Variants in ZNF76 observed in about 807,000 individuals in gnomAD.
ZNF76 encodes zinc finger protein 76, also known as zinc finger protein 523.
In ZNF76, 66 loss-of-function variants were observed where a neutral mutation model predicts 66.9. The observed-to-expected ratio is 0.99, with a 90% CI of 0.81 to 1.21. The LOEUF (loss-of-function observed/expected upper bound fraction) is 1.21, where lower values mean the gene tolerates loss of function less well. Ranked by LOEUF, ZNF76 falls within the 50% of genes most tolerant of loss-of-function variation. The probability of loss-of-function intolerance (pLI) is 0.00; values close to 1 mark genes in which losing one functional copy is unlikely to be tolerated. For synonymous variants in ZNF76, 275 were observed against 296.1 expected (o/e 0.93, Z 0.73); for missense variants, 729 against 760.3 (o/e 0.96, Z 0.48).
At chr6:35,294,077 A>T in intron 12 of ZNF76, 162 bp downstream of exon 12, 1 of 817,292 alleles carries the variant, frequency 1.2e-6, no homozygotes. Context: ...AGCAGCTCTT[A>T]CCTTTAAAAG....
chr6:35,279,197 G>A (rs1021086008), intron 1 of ZNF76: 3 of 165,108 alleles, frequency 1.8e-5, no homozygotes, highest in African/African-American at 7.2e-5. Flanking sequence ...GAGGGGCACA[G>A]CGTCACACAG....
Position 35,295,480 on chromosome 6 carries a change from C to A in ZNF76, c.*232C>A. 1.9e-6 allele frequency: 1 copy of A among 536,634 alleles called. No homozygotes were observed. The highest frequency in any genetic ancestry group is 1.9e-5 in the South Asian group (1 of 52,128). The allele number at this position is 536,634 out of a possible 1,614,324, so 33.2% of individuals were successfully genotyped here. On this transcript the variant is annotated 3_prime_UTR_variant, in exon 14 of 14. Transcript: ENST00000373953. ...ATCATCCTCGGGAGCTGACAACAGCCAGGCTACACCAGGGCACCCGCCTCT... is the reference window on the plus strand; with the variant it reads ...ATCATCCTCGGGAGCTGACAACAGCAAGGCTACACCAGGGCACCCGCCTCT...
chr6:35,295,730 G>C lies in ZNF76; in HGVS notation c.*482G>C, dbSNP rs1256160565. The C allele has an allele frequency of 2.3e-5, 5 of 215,508 alleles. No individual in the cohort carries two copies. Among genetic ancestry groups the C allele is most frequent in the Non-Finnish European group, 4.8e-5 (5 of 103,228 alleles). The allele number at this position is 215,508 out of a possible 1,614,324, so 13.3% of individuals were successfully genotyped here. On this transcript the variant is annotated 3_prime_UTR_variant, in exon 14 of 14. Coordinates refer to ENST00000373953, the MANE Select transcript of ZNF76 (RefSeq NM_003427.5). ...GAGATGCCTGGCTACTTGGCACCAG[G>C]GACTTCCTGACACCACAGTCAATTA... is the stretch of plus-strand genomic sequence containing the variant.
In ZNF76 at chr6:35,276,775, A is replaced by T. The variant is rs74715562; in HGVS notation, c.-96-4281A>T. 6.7e-3 allele frequency among the ~76,000 whole-genome samples: 814 copies of T among 121,258 alleles called. 8 individuals carry two copies. Among genetic ancestry groups the T allele is most frequent in the African/African-American group, 0.02 (641 of 31,946 alleles). 79.5% of individuals were successfully genotyped at this position (121,258 alleles called of 152,430 possible). A position where few individuals can be genotyped will look rare whatever the true frequency, so the allele number is the denominator to read the frequency against. On this transcript the variant is annotated intron_variant, in intron 1 of 13. Coordinates refer to ENST00000373953, the MANE Select transcript of ZNF76 (RefSeq NM_003427.5). The stretch of plus-strand genomic sequence containing the variant: ...CTATGTCTGCTTTGTTTTTATTTTT[A>T]TTTATTTATTTATGGGTTTTTTTTT...
intron 1 of ZNF76, among the ~76,000 whole-genome samples, chr6:35,269,893 C>T (rs982065106): frequency 6.6e-5 from 10 of 152,274 alleles, no homozygotes; most frequent in South Asian, 4.1e-4. Flanking sequence ...CTCAGCTGAT[C>T]AGCTTTCCAT....
intron 1 of ZNF76, chr6:35,279,681 C>A (rs915196401): frequency 2.0e-5 from 3 of 152,048 alleles, no homozygotes; most frequent in African/African-American, 4.8e-5. Flanking sequence ...CTGTCCTCGG[C>A]CTCCCAAAGT....
At chr6:35,268,936 A>G (rs1287088811) in intron 1 of ZNF76, among the ~76,000 whole-genome samples, 1 of 152,186 alleles carries the variant, frequency 6.6e-6, no homozygotes, top group Non-Finnish European at 1.5e-5. Flanking sequence ...GTCAAGATAT[A>G]GAAATGTGAT....
chr6:35,292,497 T>G lies in ZNF76; in HGVS notation c.932-57T>G. The G allele has an allele frequency of 6.3e-7, 1 of 1,591,964 alleles. No individual in the cohort carries two copies. The highest frequency in any genetic ancestry group is 8.6e-7 in the Non-Finnish European group (1 of 1,163,020). On this transcript the variant is annotated intron_variant, in intron 9 of 13. Coordinates refer to ENST00000373953, the MANE Select transcript of ZNF76 (RefSeq NM_003427.5). The surrounding 1 kb of genome is among the most constrained non-coding windows in gnomAD (Gnocchi z 4.7). ...AACCCTGTCCCTCACCCCTGTCCCC[T>G]TAGTTTCCCCCTTGCCAGCCCCAGT...
rs1364675627 is a variant in ZNF76, at chr6:35,287,578, A to C, written c.233-68A>C. 1 of 1,454,174 alleles carries C rather than the reference A, an allele frequency of 6.9e-7. No individual in the cohort carries two copies. The highest frequency in any genetic ancestry group is 1.4e-5 in the African/African-American group (1 of 70,620). The allele number at this position is 1,454,174 out of a possible 1,614,324, so 90.1% of individuals were successfully genotyped here. A position where few individuals can be genotyped will look rare whatever the true frequency, so the allele number is the denominator to read the frequency against. On this transcript the variant is annotated intron_variant, in intron 4 of 13. Transcript: ENST00000373953. This position sits in a 1 kb window ranked among gnomAD's most constrained non-coding sequence, Gnocchi z 4.0. ...TGGTATATGTATCTCTCATTAACTT[A>C]AAGCTAGGGTCCCAGCTGTATCTCT...
intron 1 of ZNF76, among the ~76,000 whole-genome samples, chr6:35,265,532 G>C (rs1785903876): frequency 6.6e-6 from 1 of 151,250 alleles, no homozygotes; most frequent in Non-Finnish European, 1.5e-5. Context: ...AGAAGAAGAA[G>C]AAGAAGAAAA....
At chr6:35,265,926 T>C (rs1317742694) in intron 1 of ZNF76, among the ~76,000 whole-genome samples, 1 of 152,134 alleles carries the variant, frequency 6.6e-6, no homozygotes, top group Non-Finnish European at 1.5e-5. Context: ...AAAAGGTCAT[T>C]GTGGCTGCTG....
Position 35,291,327 on chromosome 6 carries a change from C to G in ZNF76, c.675C>G (p.Tyr225Ter). The G allele has an allele frequency of 6.2e-7, 1 of 1,613,954 alleles. No homozygotes were observed. Among genetic ancestry groups the G allele is most frequent in the Non-Finnish European group, 8.5e-7 (1 of 1,179,904 alleles). Residue 225 changes from tyrosine to a stop codon, truncating the protein, a stop_gained, in exon 8 of 14, where the codon TAC becomes TAG. Coordinates refer to ENST00000373953, the MANE Select transcript of ZNF76 (RefSeq NM_003427.5). LOFTEE classifies it high-confidence loss of function. ...HVRTHTGEKP[Y>*]KCPEELCSKA... ...GTACCCACACTGGTGAGAAACCATA[C>G]AAGTGCCCAGAGGAGCTGTGCAGCA...
intron 1 of ZNF76, among the ~76,000 whole-genome samples, chr6:35,276,524 T>C (rs1212538306): frequency 6.6e-6 from 1 of 152,186 alleles, no homozygotes; most frequent in Non-Finnish European, 1.5e-5. Flanking sequence ...AGAAGTGACA[T>C]CTGAGGCTCA....
chr6:35,273,179 A>C (rs1787380414), intron 1 of ZNF76, among the ~76,000 whole-genome samples: 3 of 149,726 alleles, frequency 2.0e-5, no homozygotes, highest in South Asian at 4.4e-4. Flanking sequence ...AAAACAAAAA[A>C]CAAAAAAAAA....
At chr6:35,284,714 A>AT (rs1003964348) in intron 2 of ZNF76, among the ~76,000 whole-genome samples, 18 of 145,186 alleles carry the variant, frequency 1.2e-4, no homozygotes, top group Admixed American at 1.2e-3. Flanking sequence ...TTATTTATTT[A>AT]TTTTTTATTT....
intron 13 of ZNF76, 91 bp downstream of exon 13, chr6:35,294,660 G>C: frequency 1.1e-6 from 1 of 914,808 alleles, no homozygotes; most frequent in Non-Finnish European, 1.8e-6. Flanking sequence ...TGAAGAGAAG[G>C]GCATCTGACT....
intron 1 of ZNF76, among the ~76,000 whole-genome samples, chr6:35,262,812 C>G (rs956127030): frequency 1.3e-5 from 2 of 152,164 alleles, no homozygotes; most frequent in Non-Finnish European, 2.9e-5. Flanking sequence ...TGCACACCCT[C>G]CCATTCTAAG....
intron 13 of ZNF76, 83 bp downstream of exon 13, chr6:35,294,652 A>G (rs1331291522): frequency 2.0e-6 from 2 of 977,948 alleles, no homozygotes; most frequent in Admixed American, 1.9e-5. Flanking sequence ...GAGGATCTTG[A>G]AGAGAAGGGC....
At chr6:35,263,466 C>T (rs1448568059) in intron 1 of ZNF76, among the ~76,000 whole-genome samples, 2 of 152,212 alleles carry the variant, frequency 1.3e-5, no homozygotes, top group African/African-American at 2.4e-5. Context: ...AATGTGACAT[C>T]AAAGATCCAC....
Sources: allele counts gnomAD v4.1 joint callset (sites outside exome capture counted in the v4.1 genomes callset), GRCh38; gene constraint gnomAD v4.1.1; non-coding constraint Gnocchi (gnomAD v3.1); transcripts MANE v1.5; gene names NCBI Gene and HGNC (gene_info 2026-07-23, HGNC 2026-07-21).